The following RGS7 variants were observed in gnomAD, a reference collection of about 807,000 sequenced individuals.
RGS7 encodes the protein regulator of G-protein signaling 7.
RGS7 carries 27 observed loss-of-function variants against 81.1 expected under a neutral mutation model. The ratio of observed to expected loss-of-function variants is 0.33; its 90% CI spans 0.25 to 0.46. RGS7 has a LOEUF of 0.46. Among genes scored for constraint, RGS7 ranks in the 20% least tolerant of loss-of-function variants. The pLI is 1.00. For missense variants in RGS7, 396 were observed against 607.4 expected (o/e 0.65, Z 3.66); for synonymous variants, 208 against 207.7 (o/e 1.00, Z -0.01).
At chr1:240,944,288 A>G (rs452912) in intron 4 of RGS7, among the ~76,000 whole-genome samples, 4,074 of 18,800 alleles carry the variant, frequency 0.22, 100 homozygotes, top group Non-Finnish European at 0.26. Context: ...GTGTGTATAT[A>G]TATATATATA....
intron 2 of RGS7, among the ~76,000 whole-genome samples, chr1:241,101,654 CAT>C (rs1330034878): frequency 1.3e-5 from 2 of 152,096 alleles, no homozygotes; most frequent in African/African-American, 4.8e-5. Context: ...TGAAAATAGA[CAT>C]ACTCTGATGA....
rs527636557 is a variant in RGS7, at chr1:241,006,985, T to A, written c.176-23856A>T. ...AGGCTGGAGTGCAGTGGTGTGATCT[T>A]GGCTCACTGCAACCCACGTTTCCTG... On this transcript the variant is annotated intron_variant, in intron 3 of 18. Coordinates refer to ENST00000440928, the MANE Select transcript of RGS7 (RefSeq NM_001364886.1). 1.5e-4 allele frequency among the ~76,000 whole-genome samples: 23 copies of A among 152,274 alleles called. No individual in the cohort carries two copies. The South Asian group carries it at 4.8e-3, about 32-fold the overall frequency.
chr1:241,063,789 T>C (rs904299566), intron 3 of RGS7, among the ~76,000 whole-genome samples: 2 of 152,190 alleles, frequency 1.3e-5, no homozygotes, highest in Non-Finnish European at 2.9e-5. Flanking sequence ...GATATTATAA[T>C]GAATGAAATA....
intron 7 of RGS7, among the ~76,000 whole-genome samples, chr1:240,869,460 T>C (rs1197632449): frequency 6.6e-6 from 1 of 152,242 alleles, no homozygotes; most frequent in African/African-American, 2.4e-5. Flanking sequence ...ATCTTCACTA[T>C]GTAGGATGTA....
At chr1:240,993,721 AATTT>A (rs1686866490) in intron 3 of RGS7, among the ~76,000 whole-genome samples, 1 of 152,016 alleles carries the variant, frequency 6.6e-6, no homozygotes, top group Admixed American at 6.6e-5. Flanking sequence ...GATGAGGTCC[AATTT>A]ATCAACTTTT....
intron 6 of RGS7, among the ~76,000 whole-genome samples, chr1:240,884,879 G>A (rs1005109179): frequency 6.6e-6 from 1 of 152,160 alleles, no homozygotes; most frequent in African/African-American, 2.4e-5. Flanking sequence ...AAAAGCAACT[G>A]CAACAAAAGC....
chr1:240,957,147 G>A (rs892884506), intron 4 of RGS7, among the ~76,000 whole-genome samples: 2 of 152,128 alleles, frequency 1.3e-5, no homozygotes, highest in African/African-American at 4.8e-5. Context: ...CCATCCAATC[G>A]GCTGCTAGTG....
At chr1:240,835,543 A>C (rs574832524) in intron 9 of RGS7, among the ~76,000 whole-genome samples, 129 of 152,282 alleles carry the variant, frequency 8.5e-4, no homozygotes, top group African/African-American at 2.9e-3. Context: ...GTTTCTTACA[A>C]AACACTCTAA....
At chr1:240,819,144 A>C (rs1691334367) in intron 10 of RGS7, among the ~76,000 whole-genome samples, 1 of 152,174 alleles carries the variant, frequency 6.6e-6, no homozygotes, top group South Asian at 2.1e-4. Flanking sequence ...GTATCACCTT[A>C]ATTTTTGAGA....
intron 2 of RGS7, among the ~76,000 whole-genome samples, chr1:241,257,231 G>A (rs1573382832): frequency 6.6e-6 from 1 of 152,194 alleles, no homozygotes; most frequent in African/African-American, 2.4e-5. Flanking sequence ...TTGAGGGTAT[G>A]ATCTCTACTT....
At chr1:241,224,040 T>C (rs895156287) in intron 2 of RGS7, among the ~76,000 whole-genome samples, 10 of 150,328 alleles carry the variant, frequency 6.7e-5, no homozygotes, top group African/African-American at 2.4e-4. Flanking sequence ...ATGTCTTGTC[T>C]AATGACTGGT....
chr1:240,798,034 C>T (rs12034316), intron 18 of RGS7, among the ~76,000 whole-genome samples: 80,375 of 151,916 alleles, frequency 0.53, 23,620 homozygotes, highest in Non-Finnish European at 0.66. Context: ...CTTCGAGTTC[C>T]AGCTCTAATG....
chr1:241,074,987 GC>G (rs1167613883), intron 3 of RGS7, among the ~76,000 whole-genome samples: 1 of 152,140 alleles, frequency 6.6e-6, no homozygotes, highest in Non-Finnish European at 1.5e-5. Flanking sequence ...GCTTCCCACT[GC>G]ATTTGCCCCC....
intron 6 of RGS7, among the ~76,000 whole-genome samples, chr1:240,894,306 A>T (rs2148160471): frequency 6.6e-6 from 1 of 152,266 alleles, no homozygotes; most frequent in African/African-American, 2.4e-5. Flanking sequence ...ACTAGCGCTC[A>T]GTGTCTTTCA....
At chr1:240,825,043 C>T (rs1692556966) in intron 10 of RGS7, among the ~76,000 whole-genome samples, 1 of 152,118 alleles carries the variant, frequency 6.6e-6, no homozygotes, top group Non-Finnish European at 1.5e-5. Flanking sequence ...CTGTTTAAAC[C>T]ACCTAGTTTG....
In RGS7 at chr1:240,860,612, C is replaced by T. The variant is rs139734593; in HGVS notation, c.609+7975G>A. Among the ~76,000 whole-genome samples, 708 of 152,146 alleles carry T rather than the reference C, an allele frequency of 4.7e-3. 8 individuals are homozygous for T. Among genetic ancestry groups the T allele is most frequent in the African/African-American group, 0.016 (679 of 41,514 alleles). ...GCACACACACGCTTGCTTCGCCAGG[C>T]TATTCTATACAAATTTATTTGAAGA... On this transcript the variant is annotated intron_variant, in intron 9 of 18. Transcript: ENST00000440928.
chr1:241,101,097 A>C (rs1410034248), intron 2 of RGS7, among the ~76,000 whole-genome samples: 4 of 152,236 alleles, frequency 2.6e-5, no homozygotes, highest in African/African-American at 9.6e-5. Context: ...ACTTGTGCAC[A>C]AACATTCTTC....
intron 14 of RGS7, among the ~76,000 whole-genome samples, chr1:240,809,877 ATG>A (rs1397509920): frequency 6.6e-6 from 1 of 152,150 alleles, no homozygotes; most frequent in Non-Finnish European, 1.5e-5. Context: ...TATGTATATA[ATG>A]TGTGTGTATA....
chr1:241,336,103 A>G (rs1289471774), intron 2 of RGS7, among the ~76,000 whole-genome samples: 6 of 152,134 alleles, frequency 3.9e-5, no homozygotes, highest in Non-Finnish European at 7.4e-5. Context: ...CTTATCCCAG[A>G]CCACTTTTTC....
Sources: allele counts gnomAD v4.1 joint callset (sites outside exome capture counted in the v4.1 genomes callset), GRCh38; gene constraint gnomAD v4.1.1; transcripts MANE v1.5; gene names NCBI Gene and HGNC (gene_info 2026-07-23, HGNC 2026-07-21).